Variants in SGCZ observed in about 807,000 individuals in gnomAD.
SGCZ encodes the protein sarcoglycan zeta.
In SGCZ, 40 loss-of-function variants were observed where a neutral mutation model predicts 41.3. The ratio of observed to expected loss-of-function variants is 0.97; its 90% CI spans 0.75 to 1.26. The LOEUF (loss-of-function observed/expected upper bound fraction) is 1.26. Ranked by LOEUF, SGCZ falls within the 50% of genes most tolerant of loss-of-function variation. SGCZ has a pLI of 0.00. For missense variants in SGCZ, 552 were observed against 369.8 expected (o/e 1.49, Z -4.04); for synonymous variants, 206 against 137.5 (o/e 1.50, Z -3.49).
intron 1 of SGCZ, among the ~76,000 whole-genome samples, chr8:14,919,164 C>T (rs532599658): frequency 3.3e-5 from 5 of 152,206 alleles, no homozygotes; most frequent in East Asian, 1.9e-4. Context: ...TAAGGCCAGG[C>T]GAGGTGGCTC....
intron 1 of SGCZ, among the ~76,000 whole-genome samples, chr8:14,647,741 G>A (rs1563177587): frequency 6.6e-6 from 1 of 152,002 alleles, no homozygotes; most frequent in South Asian, 2.1e-4. Flanking sequence ...ATGTTAATAT[G>A]TTTAAAGCAG....
chr8:14,874,910 C>T (rs2130710308), intron 1 of SGCZ, among the ~76,000 whole-genome samples: 1 of 152,204 alleles, frequency 6.6e-6, no homozygotes, highest in Admixed American at 6.5e-5. Flanking sequence ...ACTAAAGTCC[C>T]AAGTCAATTT....
intron 1 of SGCZ, among the ~76,000 whole-genome samples, chr8:14,567,127 C>T (rs570889257): frequency 1.3e-5 from 2 of 152,340 alleles, no homozygotes; most frequent in South Asian, 4.1e-4. Flanking sequence ...CTCCCTCTTC[C>T]CCATGGGCTC....
intron 1 of SGCZ, among the ~76,000 whole-genome samples, chr8:14,850,049 G>T (rs188807290): frequency 3.3e-5 from 5 of 151,938 alleles, no homozygotes; most frequent in African/African-American, 7.3e-5. Context: ...ATACCCATTC[G>T]CTCTCTTCTA....
intron 3 of SGCZ, among the ~76,000 whole-genome samples, chr8:14,245,847 T>C (rs1213358378): frequency 6.6e-6 from 1 of 152,002 alleles, no homozygotes; most frequent in Non-Finnish European, 1.5e-5. Context: ...CATGAAAAAA[T>C]GCTCATCATC....
intron 1 of SGCZ, among the ~76,000 whole-genome samples, chr8:14,865,751 C>A (rs1049923736): frequency 6.6e-6 from 1 of 152,068 alleles, no homozygotes; most frequent in African/African-American, 2.4e-5. Context: ...AGGCTTAGAA[C>A]CTTAGCCTCT....
At chr8:14,878,546 T>A (rs1342039494) in intron 1 of SGCZ, among the ~76,000 whole-genome samples, 1 of 152,136 alleles carries the variant, frequency 6.6e-6, no homozygotes. Flanking sequence ...GTGGCCCATA[T>A]ACAATATTGA....
chr8:14,504,360 T>C (rs74973474), intron 2 of SGCZ, among the ~76,000 whole-genome samples: 1 of 152,198 alleles, frequency 6.6e-6, no homozygotes, highest in Non-Finnish European at 1.5e-5. Flanking sequence ...TGATTAGTTA[T>C]CTGCTCCAAA....
chr8:14,309,752 A>G, intron 3 of SGCZ: 1 of 1,579,156 alleles, frequency 6.3e-7, no homozygotes, highest in Non-Finnish European at 8.6e-7. Flanking sequence ...AGCCTCTTCA[A>G]AAAGCAGAGT....
Position 14,688,513 on chromosome 8 carries a change from A to G in SGCZ, c.40-133587T>C, listed in dbSNP as rs987641444. On this transcript the variant is annotated intron_variant, in intron 1 of 7. Transcript: ENST00000382080. ...AAAGATCAGATAGTTGTAGATATGC[A>G]GCATTATTTCTGAGGGCTCTGTTCT... 2.6e-5 allele frequency among the ~76,000 whole-genome samples: 4 copies of G among 152,174 alleles called. 1 individual carries two copies. Among genetic ancestry groups the G allele is most frequent in the South Asian group, 4.1e-4 (2 of 4,820 alleles).
At chr8:14,093,667 C>T (rs921260590) in intron 7 of SGCZ, among the ~76,000 whole-genome samples, 1 of 151,918 alleles carries the variant, frequency 6.6e-6, no homozygotes, top group African/African-American at 2.4e-5. Context: ...ATTTCTGAAC[C>T]ATAAGACTAC....
chr8:14,976,149 A>G (rs1801471853), intron 1 of SGCZ, among the ~76,000 whole-genome samples: 1 of 151,712 alleles, frequency 6.6e-6, no homozygotes, highest in African/African-American at 2.4e-5. Flanking sequence ...CAGCCTCAGA[A>G]GTAGCTGGGA....
At chr8:14,702,604 T>C (rs1809173247) in intron 1 of SGCZ, among the ~76,000 whole-genome samples, 2 of 151,832 alleles carry the variant, frequency 1.3e-5, no homozygotes, top group African/African-American at 4.8e-5. Flanking sequence ...CAACCCTCCC[T>C]TCAGTGTTCT....
chr8:15,013,954 C>A (rs915289185), intron 1 of SGCZ, among the ~76,000 whole-genome samples: 17 of 152,094 alleles, frequency 1.1e-4, no homozygotes, highest in African/African-American at 3.9e-4. Context: ...TTTTTTACCT[C>A]AAGATGGGAT....
At chr8:14,924,417 T>C (rs1439045644) in intron 1 of SGCZ, among the ~76,000 whole-genome samples, 1 of 152,176 alleles carries the variant, frequency 6.6e-6, no homozygotes, top group Non-Finnish European at 1.5e-5. Context: ...AGATTTCAAA[T>C]GTCAACTATA....
At chr8:14,306,680 G>A (rs1272081268) in intron 3 of SGCZ, among the ~76,000 whole-genome samples, 1 of 142,162 alleles carries the variant, frequency 7.0e-6, no homozygotes, top group African/African-American at 2.6e-5. Flanking sequence ...TATAGACACT[G>A]AATTAAGAAG....
At chr8:14,506,487 A>T (rs1382552368) in intron 2 of SGCZ, among the ~76,000 whole-genome samples, 1 of 138,362 alleles carries the variant, frequency 7.2e-6, no homozygotes, top group East Asian at 2.4e-4. Context: ...AAAACAAGTT[A>T]TTAACTTATT....
At chr8:14,213,145 T>C (rs959226702) in intron 4 of SGCZ, among the ~76,000 whole-genome samples, 3 of 152,076 alleles carry the variant, frequency 2.0e-5, no homozygotes, top group African/African-American at 7.2e-5. Flanking sequence ...TAAAAAATAT[T>C]CAAGGAAAGA....
At chr8:14,561,829 A>T (rs1313083339) in intron 1 of SGCZ, among the ~76,000 whole-genome samples, 1 of 152,200 alleles carries the variant, frequency 6.6e-6, no homozygotes, top group Non-Finnish European at 1.5e-5. Flanking sequence ...AATAATGTAA[A>T]TAACATTTCT....
Sources: gnomAD v4.1 joint callset for allele counts (sites outside exome capture counted in the v4.1 genomes callset) on GRCh38, gnomAD v4.1.1 for gene constraint, MANE v1.5 for transcripts, NCBI Gene and HGNC (gene_info 2026-07-23, HGNC 2026-07-21) for gene names.